The following HDAC3 variants were observed in gnomAD, a reference collection of about 807,000 sequenced individuals.
HDAC3 encodes SMAP45.
In HDAC3, 21 loss-of-function variants were observed where a neutral mutation model predicts 62.3. The observed-to-expected ratio is 0.34, with a 90% confidence interval of 0.24 to 0.49. The LOEUF (loss-of-function observed/expected upper bound fraction) is 0.49, where lower values mean the gene tolerates loss of function less well. Among genes scored for constraint, HDAC3 ranks in the 20% least tolerant of loss-of-function variants. The pLI, the probability that HDAC3 is intolerant of heterozygous loss-of-function variation, is 0.99. For missense variants in HDAC3, 270 were observed against 556.9 expected, an observed-to-expected ratio of 0.48 and a Z score of 5.19; for synonymous variants, 198 against 206.5, an observed-to-expected ratio of 0.96 and a Z score of 0.35.
At position 141,625,496 on chromosome 5, in the gene HDAC3, T is replaced by C; in HGVS notation, c.1060-131A>G. 1 of 1,164,380 alleles carries C rather than the reference T, an allele frequency of 8.6e-7. No homozygotes were observed. The highest frequency in any genetic ancestry group is 1.9e-5 in the Admixed American group (1 of 52,174). The allele number at this position is 1,164,380 out of a possible 1,614,324, so 72.1% of individuals were successfully genotyped here. On this transcript the variant is annotated intron_variant, in intron 13 of 14. Coordinates refer to ENST00000305264, the MANE Select transcript of HDAC3 (RefSeq NM_003883.4). The surrounding 1 kb of genome is among the most constrained non-coding windows in gnomAD (Gnocchi z 4.0). The stretch of plus-strand genomic sequence containing the variant: ...GTACCTCTAGTTCAGGTCCCCCAAC[T>C]GATAGCTCTCCCTCCCCACCAACCC...
chr5:141,627,832 C>A, intron 10 of HDAC3, 61 bp downstream of exon 10: 2 of 1,441,946 alleles, frequency 1.4e-6, no homozygotes, highest in Non-Finnish European at 2.0e-6. Context: ...TACCCCCACC[C>A]ACGTACTGAA....
intron 3 of HDAC3, among the ~76,000 whole-genome samples, chr5:141,632,378 C>T (rs1042680352): frequency 6.6e-6 from 1 of 152,042 alleles, no homozygotes; most frequent in African/African-American, 2.4e-5. Flanking sequence ...AATTTGGCTA[C>T]TTATGTTAGA....
chr5:141,627,708 T>C (rs1458565493), intron 10 of HDAC3, among the ~76,000 whole-genome samples, 185 bp downstream of exon 10: 1 of 152,152 alleles, frequency 6.6e-6, no homozygotes, highest in African/African-American at 2.4e-5. Context: ...TTAATAAAAA[T>C]ATATCGTGAA....
At chr5:141,631,401 A>G (rs968496571) in intron 3 of HDAC3, among the ~76,000 whole-genome samples, 1 of 152,250 alleles carries the variant, frequency 6.6e-6, no homozygotes, top group Admixed American at 6.5e-5. Flanking sequence ...CAGGAAAAAC[A>G]AAAAGCTTTA....
At chr5:141,627,742 G>T in intron 10 of HDAC3, 151 bp downstream of exon 10, 1 of 714,558 alleles carries the variant, frequency 1.4e-6, no homozygotes, top group Non-Finnish European at 2.5e-6. Context: ...AGGGAACCCT[G>T]TTCAAGATGA....
rs1254562823 is a variant in HDAC3 at position 141,625,393 on chromosome 5, A to G, written c.1060-28T>C. 1.2e-6 allele frequency: 2 copies of G among 1,611,914 alleles called. No homozygotes were observed. The highest frequency in any genetic ancestry group is 1.7e-6 in the Non-Finnish European group (2 of 1,178,834). ...GGTTGGAAATGAGGAATACAGAGTG[A>G]GCAGTTTCCAGAGATTCCCAGGACA... On this transcript the variant is annotated intron_variant, in intron 13 of 14. Coordinates refer to ENST00000305264, the MANE Select transcript of HDAC3 (RefSeq NM_003883.4). The surrounding 1 kb of genome is among the most constrained non-coding windows in gnomAD (Gnocchi z 4.0).
At position 141,621,521 on chromosome 5, in the gene HDAC3, C is replaced by G; in HGVS notation, c.1234G>C (p.Glu412Gln). The G allele has an allele frequency of 6.2e-7, 1 of 1,613,966 alleles. No individual in the cohort carries two copies. Among genetic ancestry groups the G allele is most frequent in the Non-Finnish European group, 8.5e-7 (1 of 1,179,882 alleles). The change falls in exon 15 of 15, where the codon GAG (glutamate) becomes CAG (glutamine). Residue 412 changes from glutamate to glutamine, a missense_variant. Physicochemically the swap from Glu to Gln is conservative, Grantham distance 29 (BLOSUM62 2). Around this residue, in one of 5 missense-constraint regions of HDAC3, gnomAD observed 44 missense variants for 64.3 expected, o/e 0.68. Coordinates refer to ENST00000305264, the MANE Select transcript of HDAC3 (RefSeq NM_003883.4). ...ENYSRPEAPN[E>Q]FYDGDHDNDK... is the part of the protein sequence containing the mutation. ...TTGTCATGGTCTCCATCATAGAACT[C>G]ATTGGGTGCCTCTGGCCTGCAAAGC...
In HDAC3 at chr5:141,628,165, C is replaced by T. The variant is rs374679626; in HGVS notation, c.714G>A (p.Pro238=). The part of the protein sequence containing the change: ...DDQSYKHLFQ[P]VINQVVDFYQ... ...AGAAGTCCACTACCTGGTTGATAAC[C>T]GGCTGGAAAAGGTGCTTGTAACCTG... is the stretch of plus-strand genomic sequence containing the variant. Residue 238 remains proline, a synonymous_variant, in exon 9 of 15, where the codon CCG becomes CCA. Transcript: ENST00000305264. This position sits in a 1 kb window ranked among gnomAD's most constrained non-coding sequence, Gnocchi z 4.7. The T allele has an allele frequency of 2.6e-5, 42 of 1,614,070 alleles. No individual in the cohort carries two copies. In the African/African-American group the frequency reaches 3.3e-4, roughly 13 times the overall value.
rs2099903633 is a variant in HDAC3 at position 141,621,044 on chromosome 5, C to G, written c.*424G>C. 4.8e-6 allele frequency: 1 copy of G among 206,696 alleles called. No individual in the cohort carries two copies. 12.8% of individuals were successfully genotyped at this position (206,696 alleles called of 1,614,324 possible). Reference sequence around the variant, plus strand: ...GAGCCAGAGCCCCTTCCAAATCTCTCTCTCTTCATCTTCCCTGGAAGCAAG... The same window carrying G: ...GAGCCAGAGCCCCTTCCAAATCTCTGTCTCTTCATCTTCCCTGGAAGCAAG... On this transcript the variant is annotated 3_prime_UTR_variant, in exon 15 of 15. Transcript: ENST00000305264.
In HDAC3 at chr5:141,626,760, AC is replaced by A. The variant is rs746863429; in HGVS notation, c.831-478del. On this transcript the variant is annotated intron_variant, in intron 10 of 14. Transcript: ENST00000305264. The surrounding 1 kb of genome is among the most constrained non-coding windows in gnomAD (Gnocchi z 4.6). The stretch of plus-strand genomic sequence containing the variant: ...TCCATCTCAAAAAAGAAAAAAAAAA[AC>A]ATATATATGTGTGTGTGTGTGTGTA... 1.1e-4 allele frequency among the ~76,000 whole-genome samples: 16 copies of A among 141,100 alleles called. No homozygotes were observed. In the East Asian group the frequency reaches 1.6e-3, roughly 14 times the overall value. The allele number at this position is 141,100 out of a possible 152,430, so 92.6% of individuals were successfully genotyped here. A position where few individuals can be genotyped will look rare whatever the true frequency, so the allele number is the denominator to read the frequency against.
At position 141,629,323 on chromosome 5, in the gene HDAC3, G is replaced by A. The variant is rs1196245273; in HGVS notation, c.477-17C>T. The A allele has an allele frequency of 1.9e-6, 3 of 1,613,996 alleles. No homozygotes were observed. Among genetic ancestry groups the A allele is most frequent in the African/African-American group, 1.3e-5 (1 of 74,892 alleles). On this transcript the variant is annotated splice_polypyrimidine_tract_variant and intron_variant, in intron 6 of 14. Transcript: ENST00000305264. The surrounding 1 kb of genome is among the most constrained non-coding windows in gnomAD (Gnocchi z 5.3). ...GGGTGGTACCTAGAGGGAAGCCAAA[G>A]CCAGGGTCTGAGCTAGAAGTGAACC...
chr5:141,631,635 G>A (rs1442988942), intron 3 of HDAC3, among the ~76,000 whole-genome samples: 1 of 152,218 alleles, frequency 6.6e-6, no homozygotes. Flanking sequence ...AAATAGCAAT[G>A]AGAGACAATA....
At position 141,634,866 on chromosome 5, in the gene HDAC3, T is replaced by G; in HGVS notation, c.226A>C (p.Thr76Pro). 1 of 1,614,058 alleles carries G rather than the reference T, an allele frequency of 6.2e-7. No individual in the cohort carries two copies. The highest frequency in any genetic ancestry group is 8.5e-7 in the Non-Finnish European group (1 of 1,179,982). Residue 76 changes from threonine to proline, a missense_variant, in exon 3 of 15, where the codon ACC (threonine) becomes CCC (proline). Thr to Pro is a conservative substitution (Grantham distance 38). This residue lies in a region of HDAC3 where 32 missense variants were observed against 37.4 expected (regional missense o/e 0.86). Transcript: ENST00000305264. ...CTCTTGGTGAAGCCTTGCATATTGG[T>G]GGGGCTGACTCTCTGCAGGAAGTCA... is the stretch of plus-strand genomic sequence containing the variant. Reference protein sequence around the residue: ...YIDFLQRVSPTNMQGFTKSLN... With the variant: ...YIDFLQRVSPPNMQGFTKSLN...
Position 141,626,784 on chromosome 5 carries a change from G to GTGTA in HDAC3, c.831-502_831-501insTACA, listed in dbSNP as rs1554216404. 3.9e-5 allele frequency among the ~76,000 whole-genome samples: 5 copies of GTGTA among 129,824 alleles called. No individual in the cohort carries two copies. The highest frequency in any genetic ancestry group is 2.4e-4 in the South Asian group (1 of 4,184). The allele number at this position is 129,824 out of a possible 152,430, so 85.2% of individuals were successfully genotyped here. A position where few individuals can be genotyped will look rare whatever the true frequency, so the allele number is the denominator to read the frequency against. On this transcript the variant is annotated intron_variant, in intron 10 of 14. Coordinates refer to ENST00000305264, the MANE Select transcript of HDAC3 (RefSeq NM_003883.4). This position sits in a 1 kb window ranked among gnomAD's most constrained non-coding sequence, Gnocchi z 4.6. ...AACATATATATGTGTGTGTGTGTGTGTATATATATATATATACACACACAC... is the reference window on the plus strand; with the variant it reads ...AACATATATATGTGTGTGTGTGTGTGTGTATATATATATATATATACACACACAC...
chr5:141,635,262 C>G (rs2099905792), intron 2 of HDAC3: 1 of 246,060 alleles, frequency 4.1e-6, no homozygotes, highest in African/African-American at 2.2e-5. Context: ...TGCTCATCTC[C>G]TCCCCCAAGC....
chr5:141,621,327 C>T lies in HDAC3; in HGVS notation c.*141G>A. 1 of 726,518 alleles carries T rather than the reference C, an allele frequency of 1.4e-6. No homozygotes were observed. 45.0% of individuals were successfully genotyped at this position (726,518 alleles called of 1,614,324 possible). A position where few individuals can be genotyped will look rare whatever the true frequency, so the allele number is the denominator to read the frequency against. On this transcript the variant is annotated 3_prime_UTR_variant, in exon 15 of 15. Coordinates refer to ENST00000305264, the MANE Select transcript of HDAC3 (RefSeq NM_003883.4). The stretch of plus-strand genomic sequence containing the variant: ...AAAAGCAGGTAGATGGTTCGAGAAC[C>T]AAATGTGGTCTCCAGACTCTTTCCC...
intron 3 of HDAC3, among the ~76,000 whole-genome samples, chr5:141,634,599 T>A (rs1252979391): frequency 1.3e-5 from 2 of 152,202 alleles, no homozygotes; most frequent in African/African-American, 2.4e-5. Context: ...ATATTAAAAT[T>A]TTGTTTTTGT....
At position 141,634,649 on chromosome 5, in the gene HDAC3, A is replaced by G. The variant is rs548212909; in HGVS notation, c.281+162T>C. Among the ~76,000 whole-genome samples, 4 of 152,362 alleles carry G rather than the reference A, an allele frequency of 2.6e-5. No homozygotes were observed. In the South Asian group the frequency reaches 8.3e-4, roughly 32 times the overall value. On this transcript the variant is annotated intron_variant, in intron 3 of 14. Transcript: ENST00000305264. ...CCAGCACTTAGCACAGGGCCTGCCT[A>G]GAACAAGTGACCAATAAATATTTAT... is the stretch of plus-strand genomic sequence containing the variant.
chr5:141,621,486 T>C lies in HDAC3; in HGVS notation c.1269A>G (p.Glu423=). 6.2e-7 allele frequency: 1 copy of C among 1,614,028 alleles called. No individual in the cohort carries two copies. Among genetic ancestry groups the C allele is most frequent in the Non-Finnish European group, 8.5e-7 (1 of 1,179,912 alleles). ...GCCACTCTTAAATCTCCACATCGCT[T>C]TCCTTGTCATTGTCATGGTCTCCAT... ...FYDGDHDNDK[E]SDVEI Residue 423 remains glutamate (E), a synonymous_variant, in exon 15 of 15, where the codon GAA becomes GAG. Transcript: ENST00000305264.
Sources: allele counts gnomAD v4.1 joint callset (sites outside exome capture counted in the v4.1 genomes callset), GRCh38; gene constraint gnomAD v4.1.1; regional missense constraint gnomAD v4.1.1; non-coding constraint Gnocchi (gnomAD v3.1); transcripts MANE v1.5; gene names NCBI Gene and HGNC (gene_info 2026-07-23, HGNC 2026-07-21).